PCSK2: variants seen among roughly 807,000 people sequenced by gnomAD.
PCSK2 encodes proprotein convertase subtilisin/kexin type 2.
In PCSK2, 14 loss-of-function variants were observed where a neutral mutation model predicts 69.7. That is an observed-to-expected ratio of 0.20 (90% confidence interval 0.13 to 0.31). PCSK2 has a LOEUF of 0.31. PCSK2 is among the 10% of genes least tolerant of loss of function. The pLI is 1.00. For synonymous variants in PCSK2, 307 were observed against 320.7 expected (o/e 0.96, Z 0.46); for missense variants, 544 against 842.5 (o/e 0.65, Z 4.39).
At position 17,412,313 on chromosome 20, in the gene PCSK2, A is replaced by C. The variant is rs143509311; in HGVS notation, c.620+2974A>C. Among the ~76,000 whole-genome samples the C allele has an allele frequency of 1.1e-3, 161 of 152,346 alleles. 1 individual carries two copies. Among genetic ancestry groups the C allele is most frequent in the Non-Finnish European group, 3.8e-4 (26 of 68,038 alleles). On this transcript the variant is annotated intron_variant, in intron 6 of 11. Transcript: ENST00000262545. Reference sequence around the variant, plus strand: ...GGTTAGATGAATGGCTAACCAGAATAAACAGTGTAGAGAAGACTTTAAATG... The same window carrying C: ...GGTTAGATGAATGGCTAACCAGAATCAACAGTGTAGAGAAGACTTTAAATG...
intron 2 of PCSK2, among the ~76,000 whole-genome samples, chr20:17,318,383 G>A (rs963865576): frequency 2.0e-5 from 3 of 151,974 alleles, no homozygotes; most frequent in South Asian, 2.1e-4. Context: ...TATTGAAGTC[G>A]AGTTGTCATC....
chr20:17,369,412 A>G, intron 5 of PCSK2, 135 bp downstream of exon 5: 1 of 733,788 alleles, frequency 1.4e-6, no homozygotes, highest in Non-Finnish European at 2.5e-6. Flanking sequence ...ACACACACAC[A>G]CACAGGAGTA....
intron 11 of PCSK2, among the ~76,000 whole-genome samples, chr20:17,470,858 G>A (rs1403623742): frequency 2.0e-5 from 3 of 152,040 alleles, no homozygotes; most frequent in Admixed American, 6.5e-5. Context: ...CAGGGAGTGG[G>A]GGCTGGAATG....
intron 5 of PCSK2, among the ~76,000 whole-genome samples, chr20:17,408,173 T>G (rs1230142490): frequency 6.6e-6 from 1 of 151,988 alleles, no homozygotes; most frequent in East Asian, 1.9e-4. Flanking sequence ...CCTGGCCCAG[T>G]GTATACTGTG....
chr20:17,467,925 G>A (rs779195411), intron 11 of PCSK2, among the ~76,000 whole-genome samples: 22 of 151,716 alleles, frequency 1.5e-4, no homozygotes, highest in South Asian at 2.1e-4. Flanking sequence ...TGAAATAATT[G>A]TCTGATTTTT....
intron 2 of PCSK2, among the ~76,000 whole-genome samples, chr20:17,320,167 G>T (rs1989819723): frequency 6.6e-6 from 1 of 152,144 alleles, no homozygotes; most frequent in Admixed American, 6.5e-5. Context: ...ACTTCAATGT[G>T]CACATGAACT....
At position 17,260,111 on chromosome 20, in the gene PCSK2, T is replaced by C. The variant is rs1987320349; in HGVS notation, c.178-129T>C. 5 of 672,184 alleles carry C rather than the reference T, an allele frequency of 7.4e-6. No individual in the cohort carries two copies. The South Asian group carries it at 8.7e-5, about 12-fold the overall frequency. 41.6% of individuals were successfully genotyped at this position (672,184 alleles called of 1,614,324 possible). On this transcript the variant is annotated intron_variant, in intron 1 of 11. Transcript: ENST00000262545. Reference sequence around the variant, plus strand: ...ATAGAGGACCAGGACTGACAGGAGGTTTGCCAGTGGTTTCCTTGCATACTT... The same window carrying C: ...ATAGAGGACCAGGACTGACAGGAGGCTTGCCAGTGGTTTCCTTGCATACTT...
At chr20:17,354,707 A>G (rs1462686138) in intron 2 of PCSK2, among the ~76,000 whole-genome samples, 2 of 152,202 alleles carry the variant, frequency 1.3e-5, no homozygotes, top group Non-Finnish European at 2.9e-5. Context: ...TTAAATTTTA[A>G]TTTTAATTAA....
At chr20:17,272,381 G>C (rs904885095) in intron 2 of PCSK2, among the ~76,000 whole-genome samples, 1 of 152,064 alleles carries the variant, frequency 6.6e-6, no homozygotes, top group Non-Finnish European at 1.5e-5. Context: ...GATTAATAGT[G>C]AACCTACAAT....
chr20:17,392,881 C>A (rs1253820900), intron 5 of PCSK2, among the ~76,000 whole-genome samples: 1 of 151,838 alleles, frequency 6.6e-6, no homozygotes, highest in African/African-American at 2.4e-5. Context: ...TCGTTATATA[C>A]ATCTACACAC....
intron 11 of PCSK2, among the ~76,000 whole-genome samples, chr20:17,474,335 C>T (rs2033254439): frequency 6.6e-6 from 1 of 152,168 alleles, no homozygotes; most frequent in Admixed American, 6.5e-5. Context: ...GCCTGTGACC[C>T]CCAGGCACAC....
chr20:17,310,560 T>C (rs1425717957), intron 2 of PCSK2, among the ~76,000 whole-genome samples: 3 of 151,996 alleles, frequency 2.0e-5, no homozygotes, highest in African/African-American at 7.3e-5. Context: ...ATTCAAGCTA[T>C]ATTTTCTTGA....
At chr20:17,334,335 G>A (rs762587371) in intron 2 of PCSK2, among the ~76,000 whole-genome samples, 1 of 152,162 alleles carries the variant, frequency 6.6e-6, no homozygotes, top group Non-Finnish European at 1.5e-5. Flanking sequence ...TTTTTCAAAT[G>A]TGTGGTAAGT....
chr20:17,464,812 T>C (rs2033072288), intron 10 of PCSK2: 1 of 167,008 alleles, frequency 6.0e-6, no homozygotes, highest in Non-Finnish European at 1.3e-5. Flanking sequence ...ATCTTTTGGA[T>C]GGCATGTAGG....
chr20:17,227,091 C>T lies in PCSK2; in HGVS notation c.-215C>T. On this transcript the variant is annotated 5_prime_UTR_variant, in exon 1 of 12. Coordinates refer to ENST00000262545, the MANE Select transcript of PCSK2 (RefSeq NM_002594.5). ...CCCCACATTCGCACCCCTGCCCGCGCGCCGGGCCGCCTGACTGCACGGCTT... is the reference window on the plus strand; with the variant it reads ...CCCCACATTCGCACCCCTGCCCGCGTGCCGGGCCGCCTGACTGCACGGCTT... 1.8e-6 allele frequency: 1 copy of T among 554,274 alleles called. No individual in the cohort carries two copies. The highest frequency in any genetic ancestry group is 3.2e-6 in the Non-Finnish European group (1 of 313,626). The allele number at this position is 554,274 out of a possible 1,614,324, so 34.3% of individuals were successfully genotyped here.
At chr20:17,273,727 G>C (rs1262157952) in intron 2 of PCSK2, among the ~76,000 whole-genome samples, 1 of 152,162 alleles carries the variant, frequency 6.6e-6, no homozygotes, top group Non-Finnish European at 1.5e-5. Context: ...TTACGCTGCA[G>C]TAACAAATTA....
At chr20:17,428,997 CAAAAAAAAAAAAAAAAAAAA>C (rs60206058) in intron 6 of PCSK2, among the ~76,000 whole-genome samples, 1 of 36,950 alleles carries the variant, frequency 2.7e-5, no homozygotes, top group African/African-American at 1.8e-4. Flanking sequence ...GACTCTGTCT[CAAAAAAAAAAAAAAAAAAAA>C]AAAAAAAAAA....
chr20:17,462,683 C>T (rs572857516), intron 10 of PCSK2, among the ~76,000 whole-genome samples: 1 of 152,324 alleles, frequency 6.6e-6, no homozygotes, highest in South Asian at 2.1e-4. Context: ...GGTAGACACT[C>T]AACAGACATC....
At chr20:17,348,944 G>A (rs188010152) in intron 2 of PCSK2, among the ~76,000 whole-genome samples, 3 of 152,252 alleles carry the variant, frequency 2.0e-5, no homozygotes, top group East Asian at 1.9e-4. Flanking sequence ...GGCATGACCC[G>A]TGGCTCTGCC....
Sources: gnomAD v4.1 joint callset for allele counts (sites outside exome capture counted in the v4.1 genomes callset) on GRCh38, gnomAD v4.1.1 for gene constraint, MANE v1.5 for transcripts, NCBI Gene and HGNC (gene_info 2026-07-23, HGNC 2026-07-21) for gene names.